TNNI3K: variants seen among roughly 807,000 people sequenced by gnomAD.
TNNI3K encodes TNNI3 interacting kinase.
In TNNI3K, 140 loss-of-function variants were observed where a neutral mutation model predicts 114.5. That is an observed-to-expected ratio of 1.22 (90% CI 1.07 to 1.41). The LOEUF (loss-of-function observed/expected upper bound fraction) is 1.41, where lower values mean the gene tolerates loss of function less well. Among genes scored for constraint, TNNI3K ranks in the 40% most tolerant of loss-of-function variants. The probability of loss-of-function intolerance (pLI) is 0.00; values close to 1 mark genes in which losing one functional copy is unlikely to be tolerated. For missense variants in TNNI3K, 1,125 were observed against 1,007.6 expected (o/e 1.12, Z -1.58); for synonymous variants, 347 against 347.5 (o/e 1.00, Z 0.02).
At chr1:74,396,953 A>G (rs932519360) in intron 17 of TNNI3K, among the ~76,000 whole-genome samples, 20 of 152,304 alleles carry the variant, frequency 1.3e-4, no homozygotes, top group Middle Eastern at 3.4e-3. Flanking sequence ...ATGGAATGAG[A>G]AAACGATTGA....
intron 23 of TNNI3K, among the ~76,000 whole-genome samples, chr1:74,497,054 C>T (rs1669362923): frequency 6.6e-6 from 1 of 152,108 alleles, no homozygotes; most frequent in African/African-American, 2.4e-5. Flanking sequence ...ACAAAAGGGT[C>T]CATCAAAGGT....
chr1:74,424,236 G>A (rs1665523903), intron 17 of TNNI3K, among the ~76,000 whole-genome samples: 1 of 151,982 alleles, frequency 6.6e-6, no homozygotes, highest in South Asian at 2.1e-4. Context: ...AAAAGAAGGA[G>A]GGCTCAAAGG....
At chr1:74,404,548 C>G (rs1034927736) in intron 17 of TNNI3K, among the ~76,000 whole-genome samples, 2 of 152,108 alleles carry the variant, frequency 1.3e-5, no homozygotes, top group African/African-American at 4.8e-5. Flanking sequence ...TGTTAAAGCA[C>G]TGATTTCTGG....
At position 74,271,720 on chromosome 1, in the gene TNNI3K, CT is replaced by C. The variant is rs773072731; in HGVS notation, c.444+15del. The C allele has an allele frequency of 2.5e-6, 4 of 1,591,550 alleles. No homozygotes were observed. The highest frequency in any genetic ancestry group is 3.4e-6 in the Non-Finnish European group (4 of 1,167,658). On this transcript the variant is annotated intron_variant, in intron 5 of 24. Coordinates refer to ENST00000326637, the MANE Select transcript of TNNI3K (RefSeq NM_015978.3). ...CTGGCCACCTAGAGGTAAGTCATGC[CT>C]TTGGCACCTGTGAAAACAAAGGTTA... is the stretch of plus-strand genomic sequence containing the variant.
At chr1:74,527,737 T>G (rs575123787) in intron 23 of TNNI3K, among the ~76,000 whole-genome samples, 1 of 152,330 alleles carries the variant, frequency 6.6e-6, no homozygotes, top group Admixed American at 6.5e-5. Context: ...TTTTAAAAAT[T>G]TCACCATTGT....
At chr1:74,395,413 C>T (rs1664025996) in intron 17 of TNNI3K, among the ~76,000 whole-genome samples, 1 of 151,992 alleles carries the variant, frequency 6.6e-6, no homozygotes, top group African/African-American at 2.4e-5. Flanking sequence ...CCTGCTCTGC[C>T]CAAGTGTCTT....
Position 74,498,733 on chromosome 1 carries a change from C to T in TNNI3K, c.2351+6467C>T, listed in dbSNP as rs192601616. Among the ~76,000 whole-genome samples the T allele has an allele frequency of 3.2e-3, 485 of 152,008 alleles. 1 individual carries two copies. The highest frequency in any genetic ancestry group is 0.01 in the African/African-American group (421 of 41,430). On this transcript the variant is annotated intron_variant, in intron 23 of 24. Transcript: ENST00000326637. ...TCCACTACTTTTCCAGTCTTCCCCC[C>T]GACTATTAGCACACTAAATGTCAAT...
At chr1:74,510,456 C>T (rs757786078) in intron 23 of TNNI3K, among the ~76,000 whole-genome samples, 10 of 151,972 alleles carry the variant, frequency 6.6e-5, no homozygotes, top group Admixed American at 1.3e-4. Context: ...TGCAGAGAGC[C>T]GACATCGCGC....
intron 17 of TNNI3K, among the ~76,000 whole-genome samples, chr1:74,381,803 T>G (rs1335650218): frequency 6.6e-6 from 1 of 152,192 alleles, no homozygotes; most frequent in Non-Finnish European, 1.5e-5. Flanking sequence ...TTCTCAGTGA[T>G]TCTTCTTCCT....
intron 2 of TNNI3K, 39 bp from the exon 3 acceptor site, chr1:74,249,420 A>G: frequency 1.3e-6 from 2 of 1,577,920 alleles, no homozygotes; most frequent in Non-Finnish European, 1.7e-6. Flanking sequence ...ATATGCTAAA[A>G]GATGAATTTT....
intron 20 of TNNI3K, among the ~76,000 whole-genome samples, chr1:74,445,318 C>T (rs1191287012): frequency 1.7e-4 from 25 of 145,524 alleles, no homozygotes; most frequent in Non-Finnish European, 2.7e-4. Context: ...GCGCTGCACC[C>T]ACTAACTCGT....
Position 74,368,024 on chromosome 1 carries a change from T to G in TNNI3K, c.1321+60T>G, listed in dbSNP as rs530359391. On this transcript the variant is annotated intron_variant, in intron 13 of 24. Coordinates refer to ENST00000326637, the MANE Select transcript of TNNI3K (RefSeq NM_015978.3). ...TACTAAGGATAACTATTGCTTCAAA[T>G]GTAATTTTCAATTTTGTTTTACATA... is the stretch of plus-strand genomic sequence containing the variant. 717 of 1,457,804 alleles carry G rather than the reference T, an allele frequency of 4.9e-4. 1 individual carries two copies. Among genetic ancestry groups the G allele is most frequent in the Admixed American group, 2.0e-3 (77 of 39,052 alleles). 90.3% of individuals were successfully genotyped at this position (1,457,804 alleles called of 1,614,324 possible). A position where few individuals can be genotyped will look rare whatever the true frequency, so the allele number is the denominator to read the frequency against.
rs138204867 is a variant in TNNI3K at position 74,291,584 on chromosome 1, G to A, written c.444+19876G>A. Among the ~76,000 whole-genome samples, 170 of 151,582 alleles carry A rather than the reference G, an allele frequency of 1.1e-3. 1 individual carries two copies. Among genetic ancestry groups the A allele is most frequent in the African/African-American group, 3.8e-3 (156 of 41,506 alleles). On this transcript the variant is annotated intron_variant, in intron 5 of 24. Coordinates refer to ENST00000326637, the MANE Select transcript of TNNI3K (RefSeq NM_015978.3). ...GTAGGTCACACAGCTAGTAAGTGGTGTAGATTATATTCTATCCTAAGTTGA... is the reference window on the plus strand; with the variant it reads ...GTAGGTCACACAGCTAGTAAGTGGTATAGATTATATTCTATCCTAAGTTGA...
chr1:74,408,087 A>G (rs898010581), intron 17 of TNNI3K, among the ~76,000 whole-genome samples: 7 of 152,180 alleles, frequency 4.6e-5, no homozygotes, highest in African/African-American at 1.7e-4. Flanking sequence ...CCCTTCTCAA[A>G]CACTTCAAGT....
In TNNI3K at chr1:74,436,560, A is replaced by G. The variant is rs41289200; in HGVS notation, c.1878+34A>G. ...CTGCTTGTGTTTCCTATAATTATAAACCAATTAAAATATGTAAACTCAGCA... is the reference window on the plus strand; with the variant it reads ...CTGCTTGTGTTTCCTATAATTATAAGCCAATTAAAATATGTAAACTCAGCA... On this transcript the variant is annotated intron_variant, in intron 19 of 24. Transcript: ENST00000326637. 0.06 allele frequency: 94,386 copies of G among 1,570,670 alleles called. 3,350 individuals are homozygous for G. The highest frequency in any genetic ancestry group is 0.14 in the African/African-American group (10,373 of 71,726).
At chr1:74,266,778 G>A (rs1306582995) in intron 4 of TNNI3K, among the ~76,000 whole-genome samples, 1 of 151,950 alleles carries the variant, frequency 6.6e-6, no homozygotes, top group Non-Finnish European at 1.5e-5. Context: ...AGGATATTAA[G>A]TAAGCATTGT....
At chr1:74,526,796 G>A (rs563994705) in intron 23 of TNNI3K, among the ~76,000 whole-genome samples, 4 of 152,162 alleles carry the variant, frequency 2.6e-5, no homozygotes, top group Non-Finnish European at 4.4e-5. Flanking sequence ...AGAGCAACAC[G>A]TATAGGACTT....
chr1:74,489,948 A>G (rs1668971222), intron 22 of TNNI3K, among the ~76,000 whole-genome samples: 1 of 151,370 alleles, frequency 6.6e-6, no homozygotes, highest in African/African-American at 2.4e-5. Flanking sequence ...ATGCATTTGC[A>G]TATGCAGGGA....
At chr1:74,291,612 G>A (rs1458826133) in intron 5 of TNNI3K, among the ~76,000 whole-genome samples, 2 of 151,488 alleles carry the variant, frequency 1.3e-5, no homozygotes, top group Non-Finnish European at 3.0e-5. Flanking sequence ...TAAGTTGACT[G>A]ACTTCATAGT....
Sources: allele counts gnomAD v4.1 joint callset (sites outside exome capture counted in the v4.1 genomes callset), GRCh38; gene constraint gnomAD v4.1.1; transcripts MANE v1.5; gene names NCBI Gene and HGNC (gene_info 2026-07-23, HGNC 2026-07-21).